The following FAM107B variants were observed in gnomAD, a reference collection of about 807,000 sequenced individuals.
FAM107B encodes the protein protein FAM107B.
In FAM107B, 21 loss-of-function variants were observed where a neutral mutation model predicts 31.5. The observed-to-expected ratio is 0.67, with a 90% CI of 0.47 to 0.96. The LOEUF (loss-of-function observed/expected upper bound fraction) is 0.96. FAM107B is among the 40% of genes least tolerant of loss of function. FAM107B has a pLI of 0.00. For missense variants in FAM107B, 452 were observed against 377.1 expected (o/e 1.20, Z -1.64); for synonymous variants, 157 against 141.5 (o/e 1.11, Z -0.78).
chr10:14,551,157 T>A (rs182186660), intron 2 of FAM107B, among the ~76,000 whole-genome samples: 145 of 152,310 alleles, frequency 9.5e-4, no homozygotes, highest in African/African-American at 3.4e-3. Flanking sequence ...CTAAAAGTCA[T>A]TCTCTACATT....
chr10:14,625,270 G>A (rs898020231), intron 2 of FAM107B, among the ~76,000 whole-genome samples: 9 of 150,532 alleles, frequency 6.0e-5, no homozygotes, highest in Non-Finnish European at 3.0e-5. Context: ...GTGTGTGTGT[G>A]TGTGTGTGTA....
At chr10:14,604,914 TTC>T (rs554312255) in intron 2 of FAM107B, among the ~76,000 whole-genome samples, 1 of 152,080 alleles carries the variant, frequency 6.6e-6, no homozygotes, top group Non-Finnish European at 1.5e-5. Context: ...TTCATTCTCT[TTC>T]TCTCTCTGTG....
intron 1 of FAM107B, among the ~76,000 whole-genome samples, chr10:14,763,881 G>T (rs1647977121): frequency 1.3e-5 from 2 of 152,242 alleles, no homozygotes; most frequent in Admixed American, 6.5e-5. Flanking sequence ...CTGCTTAAGG[G>T]TATACACATT....
At chr10:14,665,694 T>C (rs10906736) in intron 2 of FAM107B, among the ~76,000 whole-genome samples, 26,860 of 152,164 alleles carry the variant, frequency 0.18, 2,435 homozygotes, top group Middle Eastern at 0.26. Flanking sequence ...CTGCCCCTAC[T>C]ATGCCCCTAT....
intron 2 of FAM107B, among the ~76,000 whole-genome samples, chr10:14,631,442 G>A (rs1853352003): frequency 6.6e-6 from 1 of 152,176 alleles, no homozygotes; most frequent in Non-Finnish European, 1.5e-5. Context: ...AAATTCTACA[G>A]CACAACTTTT....
At chr10:14,591,906 C>T (rs1239130523) in intron 2 of FAM107B, among the ~76,000 whole-genome samples, 1 of 151,522 alleles carries the variant, frequency 6.6e-6, no homozygotes, top group Non-Finnish European at 1.5e-5. Context: ...TTCTACGGAA[C>T]AAGTGACCTG....
chr10:14,556,895 T>C (rs1015989791), intron 2 of FAM107B, among the ~76,000 whole-genome samples: 1 of 152,246 alleles, frequency 6.6e-6, no homozygotes, highest in Non-Finnish European at 1.5e-5. Context: ...CTGCTTCTCA[T>C]GCCTCATGCC....
chr10:14,771,223 C>A (rs182909211), intron 1 of FAM107B, among the ~76,000 whole-genome samples: 1 of 152,118 alleles, frequency 6.6e-6, no homozygotes, highest in African/African-American at 2.4e-5. Context: ...ACACTGCCAG[C>A]GGCAAAGCTT....
intron 2 of FAM107B, among the ~76,000 whole-genome samples, chr10:14,632,413 CATCCTGATTAACACGGTGA>C (rs1269958149): frequency 2.0e-5 from 3 of 150,820 alleles, no homozygotes; most frequent in Non-Finnish European, 4.4e-5. Context: ...AGATCGAGAC[CATCCTGATTAACACGGTGA>C]ATCCCCGTCT....
intron 3 of FAM107B, among the ~76,000 whole-genome samples, chr10:14,524,886 T>C (rs1009237129): frequency 2.6e-5 from 4 of 152,252 alleles, no homozygotes; most frequent in African/African-American, 4.8e-5. Flanking sequence ...TGACACTCTA[T>C]TGCAACCTAT....
intron 2 of FAM107B, among the ~76,000 whole-genome samples, chr10:14,617,848 T>C (rs945732614): frequency 6.6e-6 from 1 of 151,782 alleles, no homozygotes; most frequent in Non-Finnish European, 1.5e-5. Flanking sequence ...TCCCAGCTAC[T>C]TGGGAGGCTG....
intron 1 of FAM107B, among the ~76,000 whole-genome samples, chr10:14,755,744 G>A (rs1832917883): frequency 6.6e-6 from 1 of 152,150 alleles, no homozygotes; most frequent in African/African-American, 2.4e-5. Context: ...TTAAGATGAT[G>A]AGGAAAGAAC....
chr10:14,706,740 T>C lies in FAM107B; in HGVS notation c.412-39049A>G, dbSNP rs147558753. 3.9e-5 allele frequency among the ~76,000 whole-genome samples: 6 copies of C among 152,348 alleles called. No homozygotes were observed. In the East Asian group the frequency reaches 1.2e-3, roughly 29 times the overall value. On this transcript the variant is annotated intron_variant, in intron 1 of 4. Transcript: ENST00000181796. ...TTAGTCCATGCTGGAGACTATCTTT[T>C]CCTGGTTTGCCAATTGATATTGCCA...
chr10:14,574,640 G>C (rs1851407984), intron 2 of FAM107B, among the ~76,000 whole-genome samples: 1 of 152,224 alleles, frequency 6.6e-6, no homozygotes, highest in Admixed American at 6.5e-5. Flanking sequence ...TTAGCACACA[G>C]ACCTCTCACA....
At position 14,699,973 on chromosome 10, in the gene FAM107B, C is replaced by T. The variant is rs1168321471; in HGVS notation, c.412-32282G>A. Among the ~76,000 whole-genome samples the T allele has an allele frequency of 3.3e-5, 5 of 152,054 alleles. No homozygotes were observed. The East Asian group carries it at 9.6e-4, about 29-fold the overall frequency. On this transcript the variant is annotated intron_variant, in intron 1 of 4. Transcript: ENST00000181796. ...TTTGAGATGGACTCCCGCTCTGTTG[C>T]CCAGGCTAGAATGCAGTGGCGCAAT...
chr10:14,671,339 A>G (rs894374342), intron 1 of FAM107B, among the ~76,000 whole-genome samples: 4 of 152,190 alleles, frequency 2.6e-5, no homozygotes, highest in African/African-American at 9.7e-5. Context: ...TTGAATGGTG[A>G]GTAAAACAGG....
Position 14,593,575 on chromosome 10 carries a change from T to TC in FAM107B, c.470-63061dup, listed in dbSNP as rs1852087010. Among the ~76,000 whole-genome samples, 3 of 151,808 alleles carry TC rather than the reference T, an allele frequency of 2.0e-5. No homozygotes were observed. In the South Asian group the frequency reaches 6.2e-4, roughly 32 times the overall value. On this transcript the variant is annotated intron_variant, in intron 2 of 4. Coordinates refer to ENST00000181796, the MANE Select transcript of FAM107B (RefSeq NM_031453.4). ...CAGGCACAGTGGCGGGCACCTGTAA[T>TC]CCCAGCTACTCAGGAGGCTGAGGCA... is the stretch of plus-strand genomic sequence containing the variant.
intron 1 of FAM107B, among the ~76,000 whole-genome samples, chr10:14,677,588 T>C (rs1013516072): frequency 6.6e-6 from 1 of 151,366 alleles, no homozygotes; most frequent in African/African-American, 2.4e-5. Flanking sequence ...GCCACTGCAC[T>C]CCAGCCTGGG....
At chr10:14,648,102 T>C (rs1326727483) in intron 2 of FAM107B, among the ~76,000 whole-genome samples, 4 of 151,890 alleles carry the variant, frequency 2.6e-5, no homozygotes, top group African/African-American at 9.7e-5. Flanking sequence ...TCAATTAAAA[T>C]GATCTCAGTC....
Sources: gnomAD v4.1 joint callset for allele counts (sites outside exome capture counted in the v4.1 genomes callset) on GRCh38, gnomAD v4.1.1 for gene constraint, MANE v1.5 for transcripts, NCBI Gene and HGNC (gene_info 2026-07-23, HGNC 2026-07-21) for gene names.